AKT3: variants seen among roughly 807,000 people sequenced by gnomAD.
AKT3 encodes the protein AKT serine/threonine kinase 3, also known as RAC-gamma serine/threonine-protein kinase.
A neutral mutation model predicts 65.3 loss-of-function variants in AKT3; 15 were observed. The observed-to-expected ratio is 0.23, with a 90% CI of 0.15 to 0.35. The LOEUF (loss-of-function observed/expected upper bound fraction) is 0.35. Among genes scored for constraint, AKT3 ranks in the 10% least tolerant of loss-of-function variants. The pLI is 1.00. For missense variants in AKT3, 243 were observed against 576.5 expected, an observed-to-expected ratio of 0.42 and a Z score of 5.92; for synonymous variants, 206 against 183.8, an observed-to-expected ratio of 1.12 and a Z score of -0.98.
At chr1:243,651,588 G>A (rs1259901976) in intron 4 of AKT3, among the ~76,000 whole-genome samples, 1 of 152,152 alleles carries the variant, frequency 6.6e-6, no homozygotes, top group Non-Finnish European at 1.5e-5. Flanking sequence ...AGTTTATTGA[G>A]AGTTTTTAGC....
chr1:243,620,357 T>C lies in AKT3; in HGVS notation c.562-5196A>G. Among the ~76,000 whole-genome samples, 2 of 60,418 alleles carry C rather than the reference T, an allele frequency of 3.3e-5. 1 individual carries two copies. Among genetic ancestry groups the C allele is most frequent in the Non-Finnish European group, 1.2e-4 (2 of 16,796 alleles). The allele number at this position is 60,418 out of a possible 152,430, so 39.6% of individuals were successfully genotyped here. A position where few individuals can be genotyped will look rare whatever the true frequency, so the allele number is the denominator to read the frequency against. ...TTACCCAATCTTGGGCAGTTCTTTA[T>C]ACCAGTGTGAGAATGAACTAATACA... On this transcript the variant is annotated intron_variant, in intron 6 of 13. Transcript: ENST00000673466.
At chr1:243,842,993 T>C in intron 2 of AKT3, 132 bp downstream of exon 2, 1 of 918,364 alleles carries the variant, frequency 1.1e-6, no homozygotes, top group Non-Finnish European at 1.6e-6. Context: ...ACACGTTAAA[T>C]ATATCATTTC....
chr1:243,827,515 C>T (rs1423048431), intron 2 of AKT3, among the ~76,000 whole-genome samples: 1 of 152,018 alleles, frequency 6.6e-6, no homozygotes, highest in Non-Finnish European at 1.5e-5. Context: ...TACACTTAAG[C>T]CTCTATTTCT....
At chr1:243,813,621 C>CTTACA (rs1693327377) in intron 2 of AKT3, among the ~76,000 whole-genome samples, 1 of 151,470 alleles carries the variant, frequency 6.6e-6, no homozygotes, top group Non-Finnish European at 1.5e-5. Flanking sequence ...GTGTAAGGAC[C>CTTACA]CTGGATTTTA....
intron 13 of AKT3, among the ~76,000 whole-genome samples, chr1:243,492,604 GTTTTTT>G (rs74162289): frequency 8.5e-5 from 5 of 58,876 alleles, no homozygotes; most frequent in South Asian, 6.3e-4. Flanking sequence ...GCGCCCAGCT[GTTTTTT>G]TTTTTTTTTT....
chr1:243,850,413 G>C (rs906913993), upstream of AKT3, among the ~76,000 whole-genome samples: 2 of 151,246 alleles, frequency 1.3e-5, no homozygotes, highest in East Asian at 2.0e-4. Context: ...TTCATCACCA[G>C]AAAACACCGC....
rs151154263 is a variant in AKT3 at position 243,651,039 on chromosome 1, G to A, written c.285-5002C>T. 5.2e-3 allele frequency among the ~76,000 whole-genome samples: 794 copies of A among 152,226 alleles called. 9 individuals are homozygous for A. The highest frequency in any genetic ancestry group is 0.018 in the African/African-American group (750 of 41,536). Reference sequence around the variant, plus strand: ...ATTGATTCTTCCTATCCATGAGCACGGGTTGTTTTTCCATTTGTTTGTGTC... The same window carrying A: ...ATTGATTCTTCCTATCCATGAGCACAGGTTGTTTTTCCATTTGTTTGTGTC... On this transcript the variant is annotated intron_variant, in intron 4 of 13. Transcript: ENST00000673466.
Position 243,553,980 on chromosome 1 carries a change from C to A in AKT3, c.949-1037G>T, listed in dbSNP as rs568806194. ...GAATTTATCAATTTAAAAACACTTA[C>A]AACCGATTACAAAGGAGAACATTTG... is the stretch of plus-strand genomic sequence containing the variant. On this transcript the variant is annotated intron_variant, in intron 10 of 13. Transcript: ENST00000673466. 2.0e-5 allele frequency among the ~76,000 whole-genome samples: 3 copies of A among 152,290 alleles called. No homozygotes were observed. In the East Asian group the frequency reaches 5.8e-4, roughly 29 times the overall value.
chr1:243,750,702 T>C lies in AKT3; in HGVS notation c.47-54986A>G, dbSNP rs190266940. 1.7e-3 allele frequency among the ~76,000 whole-genome samples: 252 copies of C among 151,820 alleles called. 1 individual carries two copies. The highest frequency in any genetic ancestry group is 2.2e-3 in the Non-Finnish European group (146 of 67,876). ...GTTCAAGTGATTCTCCTGCTTCAGC[T>C]TCTCGAGTAGCTGGGACTACAGGTG... On this transcript the variant is annotated intron_variant, in intron 2 of 13. Coordinates refer to ENST00000673466, the MANE Select transcript of AKT3 (RefSeq NM_005465.7).
intron 6 of AKT3, among the ~76,000 whole-genome samples, chr1:243,629,145 G>A (rs574419884): frequency 1.8e-4 from 27 of 152,252 alleles, no homozygotes; most frequent in Admixed American, 1.4e-3. Context: ...GTGTGGTGGT[G>A]AATGCCTGTA....
intron 2 of AKT3, among the ~76,000 whole-genome samples, chr1:243,821,168 T>C (rs1693832016): frequency 6.6e-6 from 1 of 152,072 alleles, no homozygotes; most frequent in Admixed American, 6.5e-5. Flanking sequence ...GAATTTCATG[T>C]CCAGCCAAAC....
rs187985219 is a variant in AKT3 at position 243,544,940 on chromosome 1, C to T, written c.1251+570G>A. Among the ~76,000 whole-genome samples, 38 of 151,952 alleles carry T rather than the reference C, an allele frequency of 2.5e-4. No homozygotes were observed. In the East Asian group the frequency reaches 6.8e-3, roughly 27 times the overall value. ...TCAAAACTCCTGGCCTCAAGTGATC[C>T]TCCCACCTCAGCCTCCCAAAGTGCT... On this transcript the variant is annotated intron_variant, in intron 12 of 13. Transcript: ENST00000673466.
chr1:243,521,221 T>C (rs1670698033), intron 12 of AKT3, among the ~76,000 whole-genome samples: 1 of 152,250 alleles, frequency 6.6e-6, no homozygotes, highest in Non-Finnish European at 1.5e-5. Flanking sequence ...CCACTTTGTG[T>C]TGGCATATAG....
intron 2 of AKT3, among the ~76,000 whole-genome samples, chr1:243,718,860 C>T (rs1686692411): frequency 6.6e-6 from 1 of 152,048 alleles, no homozygotes; most frequent in African/African-American, 2.4e-5. Flanking sequence ...TTTGCATGTC[C>T]AAAACACAAG....
At chr1:243,803,803 T>C (rs911840320) in intron 2 of AKT3, among the ~76,000 whole-genome samples, 1 of 151,902 alleles carries the variant, frequency 6.6e-6, no homozygotes, top group Admixed American at 6.6e-5. Flanking sequence ...ATCCAGACAA[T>C]CAAGTTTGCC....
At chr1:243,568,009 T>C (rs1202210840) in intron 9 of AKT3, among the ~76,000 whole-genome samples, 1 of 152,204 alleles carries the variant, frequency 6.6e-6, no homozygotes, top group African/African-American at 2.4e-5. Context: ...TTGGTTCATT[T>C]AACACTAACA....
At chr1:243,608,631 A>G (rs1677616641) in intron 8 of AKT3, among the ~76,000 whole-genome samples, 1 of 148,216 alleles carries the variant, frequency 6.7e-6, no homozygotes, top group Non-Finnish European at 1.5e-5. Context: ...ATATGTGTGG[A>G]TTGTGCTAGT....
intron 6 of AKT3, among the ~76,000 whole-genome samples, chr1:243,627,976 T>C (rs927364313): frequency 3.9e-5 from 6 of 152,222 alleles, no homozygotes; most frequent in African/African-American, 1.4e-4. Flanking sequence ...TACACTCAGA[T>C]ATGATTTTAG....
At chr1:243,825,315 G>A in intron 2 of AKT3, among the ~76,000 whole-genome samples, 1 of 152,158 alleles carries the variant, frequency 6.6e-6, no homozygotes, top group East Asian at 1.9e-4. Context: ...ATACCTAGAT[G>A]ATGGGTTGAC....
Sources: allele counts gnomAD v4.1 joint callset (sites outside exome capture counted in the v4.1 genomes callset), GRCh38; gene constraint gnomAD v4.1.1; transcripts MANE v1.5; gene names NCBI Gene and HGNC (gene_info 2026-07-23, HGNC 2026-07-21).